FAM240C: variants seen among roughly 807,000 people sequenced by gnomAD.
FAM240C encodes the protein protein FAM240C.
FAM240C carries 14 observed loss-of-function variants against 10.0 expected under a neutral mutation model. The observed-to-expected ratio is 1.40, with a 90% CI of 0.92 to 2.19. The LOEUF (loss-of-function observed/expected upper bound fraction) is 2.19. FAM240C is among the 30% of genes most tolerant of loss of function. FAM240C has a pLI of 0.00. For missense variants in FAM240C, 154 were observed against 122.3 expected, an observed-to-expected ratio of 1.26 and a Z score of -1.22; for synonymous variants, 49 against 44.3, an observed-to-expected ratio of 1.11 and a Z score of -0.42.
intron 2 of FAM240C, among the ~76,000 whole-genome samples, chr2:241,896,495 TGG>T: frequency 4.1e-5 from 2 of 49,330 alleles, no homozygotes; most frequent in Admixed American, 2.2e-4. Flanking sequence ...GAAGGGGGTG[TGG>T]GTGAAGGGGG....
chr2:241,896,768 GT>G (rs1233445650), intron 2 of FAM240C, among the ~76,000 whole-genome samples: 4 of 75,476 alleles, frequency 5.3e-5, no homozygotes, highest in African/African-American at 8.9e-5. Flanking sequence ...GGGTGTGGGT[GT>G]TGGGGTGTGG....
intron 2 of FAM240C, among the ~76,000 whole-genome samples, chr2:241,894,580 G>T (rs1036479836): frequency 1.0e-4 from 15 of 146,668 alleles, no homozygotes; most frequent in African/African-American, 3.5e-4. Context: ...TGGTGGGGGG[G>T]GGGGGGGGCG....
In FAM240C at chr2:241,897,217, C is replaced by G; in HGVS notation, c.130G>C (p.Asp44His). 2 of 1,549,992 alleles carry G rather than the reference C, an allele frequency of 1.3e-6. No individual in the cohort carries two copies. The highest frequency in any genetic ancestry group is 1.7e-6 in the Non-Finnish European group (2 of 1,146,516). ...AGAGCGCTTCTGCGAACCCTGATGT[C>G]CTCGTTCTGCAGGTGTCTTGCGTGA... ...EHHARHLQNEDIRVRRSALNK... is the reference protein window; with the variant it reads ...EHHARHLQNEHIRVRRSALNK... The change falls in exon 2 of 3, where the codon GAC becomes CAC. Residue 44 changes from aspartate (D) to histidine (H), a missense_variant. Physicochemically the swap from Asp to His is moderately conservative, Grantham distance 81. Transcript: ENST00000404031.
At chr2:241,896,356 G>A (rs28731494) in intron 2 of FAM240C, among the ~76,000 whole-genome samples, 17,272 of 152,150 alleles carry the variant, frequency 0.11, 2,135 homozygotes, top group East Asian at 0.48. Context: ...AGTCTGCTAG[G>A]AGGAGGAAGG....
chr2:241,895,623 A>G lies in FAM240C; in HGVS notation c.162-1284T>C, dbSNP rs747164331. 1.2e-3 allele frequency among the ~76,000 whole-genome samples: 185 copies of G among 152,208 alleles called. 2 individuals are homozygous for G. Among genetic ancestry groups the G allele is most frequent in the Non-Finnish European group, 8.1e-4 (55 of 68,034 alleles). ...GAACCCTAAGAGTGACCTCCTTAAA[A>G]GCAGTGGTTGGCCTCGTGGCCTGGG... On this transcript the variant is annotated intron_variant, in intron 2 of 2. Coordinates refer to ENST00000404031, the MANE Select transcript of FAM240C (RefSeq NM_001382368.1).
At chr2:241,901,533 G>A (rs1443568560), upstream of FAM240C, among the ~76,000 whole-genome samples, 5 of 152,198 alleles carry the variant, frequency 3.3e-5, no homozygotes, top group African/African-American at 1.2e-4. This position sits in a 1 kb window ranked among gnomAD's most constrained non-coding sequence, Gnocchi z 4.9. Flanking sequence ...GGAGCTGTTC[G>A]TGATTTCCCG....
intron 1 of FAM240C, chr2:241,899,201 T>C: frequency 7.7e-7 from 1 of 1,303,992 alleles, no homozygotes; most frequent in East Asian, 5.5e-5. Flanking sequence ...TCGAGGAGCT[T>C]GATGTGACCC....
At chr2:241,896,391 A>C (rs7606520) in intron 2 of FAM240C, among the ~76,000 whole-genome samples, 59,487 of 151,844 alleles carry the variant, frequency 0.39, 12,850 homozygotes, top group Middle Eastern at 0.49. Context: ...ACGTCACTCA[A>C]GGGCAGTGAT....
intron 2 of FAM240C, among the ~76,000 whole-genome samples, chr2:241,894,679 G>A (rs1039462089): frequency 2.0e-5 from 3 of 151,892 alleles, no homozygotes; most frequent in African/African-American, 4.8e-5. Context: ...TCTGAGCCCC[G>A]GAGAGACTGT....
intron 2 of FAM240C, among the ~76,000 whole-genome samples, chr2:241,896,954 C>CTT (rs576391277): frequency 1.7e-4 from 26 of 151,892 alleles, no homozygotes; most frequent in African/African-American, 5.3e-4. Flanking sequence ...CGGTTAGCAA[C>CTT]GTGGTGTCTT....
chr2:241,894,633 C>G (rs1701747142), intron 2 of FAM240C, among the ~76,000 whole-genome samples: 1 of 151,686 alleles, frequency 6.6e-6, no homozygotes, highest in Admixed American at 6.6e-5. Flanking sequence ...AAATGCCTTC[C>G]CCGGGAAGCA....
upstream of FAM240C, chr2:241,900,515 C>T (rs2124928542): frequency 1.6e-6 from 1 of 640,976 alleles, no homozygotes; most frequent in East Asian, 2.8e-5. The surrounding 1 kb of genome is among the most constrained non-coding windows in gnomAD (Gnocchi z 4.5). Flanking sequence ...CCCAGAAAGA[C>T]GCGCTGCCCT....
intron 1 of FAM240C, chr2:241,899,004 G>GC: frequency 4.0e-6 from 3 of 751,920 alleles, no homozygotes; most frequent in Non-Finnish European, 6.2e-6. Flanking sequence ...CTCTTTCCCC[G>GC]CCCCCCACTC....
chr2:241,899,213 T>C lies in FAM240C; in HGVS notation c.12+1145A>G, dbSNP rs1025020694. 36 of 1,303,876 alleles carry C rather than the reference T, an allele frequency of 2.8e-5. 1 individual carries two copies. The East Asian group carries it at 1.8e-3, about 64-fold the overall frequency. The allele number at this position is 1,303,876 out of a possible 1,614,324, so 80.8% of individuals were successfully genotyped here. On this transcript the variant is annotated intron_variant, in intron 1 of 2. Coordinates refer to ENST00000404031, the MANE Select transcript of FAM240C (RefSeq NM_001382368.1). ...CCTTCGAGGAGCTTGATGTGACCCC[T>C]GGCTGGGGGCTTCCAGCTGCAGAGG...
At chr2:241,900,880 G>T (rs373471813), upstream of FAM240C, among the ~76,000 whole-genome samples, 7 of 152,138 alleles carry the variant, frequency 4.6e-5, no homozygotes, top group African/African-American at 1.7e-4. This position sits in a 1 kb window ranked among gnomAD's most constrained non-coding sequence, Gnocchi z 4.5. Context: ...ATGGGTTTAC[G>T]TATTTATTGT....
At chr2:241,898,689 G>A (rs758013524) in intron 1 of FAM240C, among the ~76,000 whole-genome samples, 1 of 152,240 alleles carries the variant, frequency 6.6e-6, no homozygotes, top group Non-Finnish European at 1.5e-5. Flanking sequence ...TCCCTGGGAC[G>A]CGTGGAGCCT....
upstream of FAM240C, among the ~76,000 whole-genome samples, chr2:241,901,365 T>C (rs1701979853): frequency 6.6e-6 from 1 of 152,228 alleles, no homozygotes; most frequent in African/African-American, 2.4e-5. The surrounding 1 kb of genome is among the most constrained non-coding windows in gnomAD (Gnocchi z 4.9). Flanking sequence ...GGTCACTTGC[T>C]TCTTTATGAG....
chr2:241,894,541 G>A lies in FAM240C; in HGVS notation c.162-202C>T, dbSNP rs182620182. 6.8e-3 allele frequency among the ~76,000 whole-genome samples: 928 copies of A among 136,628 alleles called. 15 individuals are homozygous for A. The highest frequency in any genetic ancestry group is 0.023 in the African/African-American group (874 of 37,524). 89.6% of individuals were successfully genotyped at this position (136,628 alleles called of 152,430 possible). ...CCCAGGGCCCTGGGATCTCGTGGCC[G>A]GCCTTGGCTCAGGCTGCTGACCAGT... On this transcript the variant is annotated intron_variant, in intron 2 of 2. Transcript: ENST00000404031.
upstream of FAM240C, among the ~76,000 whole-genome samples, chr2:241,900,634 G>A (rs1011904051): frequency 6.6e-5 from 10 of 152,262 alleles, no homozygotes; most frequent in Admixed American, 2.6e-4. This position sits in a 1 kb window ranked among gnomAD's most constrained non-coding sequence, Gnocchi z 4.5. Context: ...AGCCCCCATC[G>A]GGACTGTTTT....
Sources: gnomAD v4.1 joint callset for allele counts (sites outside exome capture counted in the v4.1 genomes callset) on GRCh38, gnomAD v4.1.1 for gene constraint, Gnocchi (gnomAD v3.1) non-coding constraint, MANE v1.5 for transcripts, NCBI Gene and HGNC (gene_info 2026-07-23, HGNC 2026-07-21) for gene names.